Variants in EXT2 observed in about 807,000 individuals in gnomAD.
EXT2 encodes the protein exostosin-2.
A neutral mutation model predicts 81.6 loss-of-function variants in EXT2; 53 were observed. The observed-to-expected ratio is 0.65, with a 90% confidence interval of 0.52 to 0.82. The LOEUF is 0.82. EXT2 is among the 40% of genes least tolerant of loss of function. The pLI is 0.00. For synonymous variants in EXT2, 320 were observed against 340.0 expected, an observed-to-expected ratio of 0.94 and a Z score of 0.65; for missense variants, 774 against 910.2, an observed-to-expected ratio of 0.85 and a Z score of 1.93.
intron 7 of EXT2, among the ~76,000 whole-genome samples, chr11:44,152,401 A>G (rs1319931738): frequency 6.6e-6 from 1 of 152,074 alleles, no homozygotes; most frequent in Non-Finnish European, 1.5e-5. Context: ...CCCAGGCTGG[A>G]GTGCAGTGGT....
At chr11:44,214,362 C>T (rs1334013861) in intron 10 of EXT2, among the ~76,000 whole-genome samples, 2 of 152,186 alleles carry the variant, frequency 1.3e-5, no homozygotes, top group African/African-American at 4.8e-5. Context: ...GATCCGCCCG[C>T]CTCAGCCTCC....
intron 7 of EXT2, among the ~76,000 whole-genome samples, chr11:44,162,690 G>A (rs1321757820): frequency 6.6e-6 from 1 of 151,776 alleles, no homozygotes; most frequent in Non-Finnish European, 1.5e-5. Flanking sequence ...GTGAACCATT[G>A]TGTGTGGCTT....
intron 8 of EXT2, among the ~76,000 whole-genome samples, chr11:44,195,502 A>C (rs1296414424): frequency 6.6e-6 from 1 of 152,106 alleles, no homozygotes; most frequent in African/African-American, 2.4e-5. Flanking sequence ...TAATTATAGC[A>C]TGTTGTGGAC....
intron 1 of EXT2, among the ~76,000 whole-genome samples, chr11:44,102,698 C>T (rs951334991): frequency 2.0e-5 from 3 of 152,018 alleles, no homozygotes; most frequent in African/African-American, 4.8e-5. Context: ...CCTGTGGTTC[C>T]GTATCTTCTC....
intron 9 of EXT2, among the ~76,000 whole-genome samples, chr11:44,202,310 A>G (rs953190251): frequency 3.3e-5 from 5 of 152,216 alleles, no homozygotes; most frequent in Admixed American, 6.5e-5. Context: ...TATGGGTTGA[A>G]TATGCTATAC....
chr11:44,205,070 C>T (rs1955566425), intron 9 of EXT2, among the ~76,000 whole-genome samples: 1 of 152,160 alleles, frequency 6.6e-6, no homozygotes, highest in Non-Finnish European at 1.5e-5. Flanking sequence ...TAATGCTAAA[C>T]AGACTTAGGT....
chr11:44,142,402 T>C (rs2135060570), intron 7 of EXT2, among the ~76,000 whole-genome samples: 1 of 152,358 alleles, frequency 6.6e-6, no homozygotes, highest in Non-Finnish European at 1.5e-5. Flanking sequence ...TCTGGCAATA[T>C]AGTTATTTTT....
At chr11:44,243,812 C>A (rs1011647124) in intron 13 of EXT2, among the ~76,000 whole-genome samples, 60 of 151,998 alleles carry the variant, frequency 3.9e-4, no homozygotes, top group African/African-American at 1.4e-3. Context: ...GAGGCCCTCT[C>A]ACACTGAGCT....
At chr11:44,141,736 C>T (rs1320013569) in intron 7 of EXT2, among the ~76,000 whole-genome samples, 1 of 152,208 alleles carries the variant, frequency 6.6e-6, no homozygotes, top group Non-Finnish European at 1.5e-5. Flanking sequence ...AATCCCTTGT[C>T]ATGAATCCCC....
intron 4 of EXT2, among the ~76,000 whole-genome samples, chr11:44,118,836 A>G (rs1489673909): frequency 6.6e-6 from 1 of 152,102 alleles, no homozygotes; most frequent in African/African-American, 2.4e-5. Flanking sequence ...ATATTTATGT[A>G]GCACGAGATA....
At chr11:44,231,136 C>T (rs1564986064) in intron 10 of EXT2, among the ~76,000 whole-genome samples, 1 of 152,036 alleles carries the variant, frequency 6.6e-6, no homozygotes, top group Non-Finnish European at 1.5e-5. Context: ...GCAAGAATGG[C>T]ACGAAGGAGA....
At chr11:44,229,774 G>A in intron 10 of EXT2, among the ~76,000 whole-genome samples, 1 of 152,150 alleles carries the variant, frequency 6.6e-6, no homozygotes, top group East Asian at 1.9e-4. Context: ...TACTGGCTCT[G>A]GTAAATATTT....
chr11:44,236,373 G>A lies in EXT2; in HGVS notation c.2016G>A (p.Glu672=). Reference sequence around the variant, plus strand: ...CACTAGACCAAACACACATGGTGGAGAGGTAAGTGAGCCTCCAACCAAAAG... The same window carrying A: ...CACTAGACCAAACACACATGGTGGAAAGGTAAGTGAGCCTCCAACCAAAAG... ...GLSLDQTHMV[E]RSECINKFAS... is the part of the protein sequence containing the mutation. Residue 672 remains glutamate (E), a splice_region_variant and synonymous_variant, in exon 13 of 14, where the codon GAG becomes GAA. Transcript: ENST00000533608. The A allele has an allele frequency of 6.2e-7, 1 of 1,613,778 alleles. No individual in the cohort carries two copies. Among genetic ancestry groups the A allele is most frequent in the South Asian group, 1.1e-5 (1 of 91,080 alleles).
intron 1 of EXT2, among the ~76,000 whole-genome samples, chr11:44,101,149 G>A (rs918063342): frequency 3.9e-5 from 6 of 152,210 alleles, no homozygotes; most frequent in Admixed American, 2.6e-4. Context: ...TGGACCAAAG[G>A]TGGGGGTATT....
intron 8 of EXT2, among the ~76,000 whole-genome samples, chr11:44,173,134 A>AGTG (rs1565221618): frequency 5.9e-5 from 9 of 152,042 alleles, no homozygotes; most frequent in African/African-American, 1.7e-4. Flanking sequence ...GTAGTGGAGT[A>AGTG]GAGTGGTGTA....
intron 8 of EXT2, among the ~76,000 whole-genome samples, chr11:44,194,782 C>T (rs1469929157): frequency 6.6e-6 from 1 of 152,112 alleles, no homozygotes; most frequent in Non-Finnish European, 1.5e-5. Flanking sequence ...TCATTTTATA[C>T]ACTTTTTTAA....
intron 7 of EXT2, among the ~76,000 whole-genome samples, chr11:44,142,167 A>T (rs1295317150): frequency 1.3e-5 from 2 of 152,262 alleles, no homozygotes; most frequent in African/African-American, 2.4e-5. Context: ...ATATTAAAAT[A>T]ACTTACTATA....
chr11:44,195,175 C>T (rs1018444636), intron 8 of EXT2, among the ~76,000 whole-genome samples: 3 of 152,134 alleles, frequency 2.0e-5, no homozygotes, highest in Non-Finnish European at 4.4e-5. Context: ...TGGCTCACAC[C>T]TGTAATCCCA....
At chr11:44,153,762 G>A (rs938027475) in intron 7 of EXT2, among the ~76,000 whole-genome samples, 1 of 151,844 alleles carries the variant, frequency 6.6e-6, no homozygotes, top group African/African-American at 2.4e-5. Context: ...TGTATCTATT[G>A]GTGTGCTCTT....
Sources: gnomAD v4.1 joint callset for allele counts (sites outside exome capture counted in the v4.1 genomes callset) on GRCh38, gnomAD v4.1.1 for gene constraint, MANE v1.5 for transcripts, NCBI Gene and HGNC (gene_info 2026-07-23, HGNC 2026-07-21) for gene names.